FHIP1A: variants seen among roughly 807,000 people sequenced by gnomAD.
FHIP1A encodes FHF complex subunit HOOK interacting protein 1A.
A neutral mutation model predicts 88.6 loss-of-function variants in FHIP1A; 61 were observed. The ratio of observed to expected loss-of-function variants is 0.69; its 90% CI spans 0.56 to 0.85. The LOEUF is 0.85. Among genes scored for constraint, FHIP1A ranks in the 40% least tolerant of loss-of-function variants. The pLI, the probability that FHIP1A is intolerant of heterozygous loss-of-function variation, is 0.00. For missense variants in FHIP1A, 1,154 were observed against 1,273.5 expected, an observed-to-expected ratio of 0.91 and a Z score of 1.43; for synonymous variants, 478 against 496.0, an observed-to-expected ratio of 0.96 and a Z score of 0.48.
intron 9 of FHIP1A, among the ~76,000 whole-genome samples, chr4:151,644,558 C>T (rs1736716719): frequency 2.0e-5 from 3 of 152,102 alleles, no homozygotes; most frequent in African/African-American, 4.8e-5. Context: ...TGCTGTGTTG[C>T]TCAGGCTCGT....
intron 3 of FHIP1A, among the ~76,000 whole-genome samples, chr4:151,526,206 C>T (rs1406612547): frequency 6.6e-6 from 1 of 150,574 alleles, no homozygotes; most frequent in Non-Finnish European, 1.5e-5. Flanking sequence ...TCTTCCCCAC[C>T]CTTCCCCCCT....
intron 1 of FHIP1A, among the ~76,000 whole-genome samples, chr4:151,452,219 A>G (rs1339605132): frequency 6.6e-6 from 1 of 152,210 alleles, no homozygotes; most frequent in Non-Finnish European, 1.5e-5. Context: ...ATGGTTCTCA[A>G]AGGAGATTTT....
intron 1 of FHIP1A, among the ~76,000 whole-genome samples, chr4:151,415,687 G>T (rs1484543226): frequency 6.6e-6 from 1 of 152,044 alleles, no homozygotes; most frequent in Non-Finnish European, 1.5e-5. Context: ...TTCATTTTTA[G>T]TTATATGAAC....
intron 3 of FHIP1A, among the ~76,000 whole-genome samples, chr4:151,484,110 C>T (rs1223782667): frequency 6.6e-6 from 1 of 152,148 alleles, no homozygotes; most frequent in Non-Finnish European, 1.5e-5. Flanking sequence ...TCCCAGTTAA[C>T]TCCAACCAAT....
At chr4:151,610,988 A>G (rs190132755) in intron 7 of FHIP1A, among the ~76,000 whole-genome samples, 1 of 152,294 alleles carries the variant, frequency 6.6e-6, no homozygotes, top group East Asian at 1.9e-4. Context: ...TTTATAGTAC[A>G]TTGCCAAGTA....
intron 1 of FHIP1A, among the ~76,000 whole-genome samples, chr4:151,413,736 T>C (rs913263122): frequency 1.2e-4 from 18 of 152,056 alleles, no homozygotes; most frequent in African/African-American, 4.3e-4. Context: ...ATTACAGACA[T>C]GAGCCACCGC....
At chr4:151,624,226 T>C (rs1403378462) in intron 7 of FHIP1A, among the ~76,000 whole-genome samples, 2 of 152,242 alleles carry the variant, frequency 1.3e-5, no homozygotes, top group Non-Finnish European at 2.9e-5. Context: ...CTAAAGTTTG[T>C]ACTTCGGGGA....
intron 3 of FHIP1A, among the ~76,000 whole-genome samples, chr4:151,553,728 A>G (rs1453875544): frequency 6.6e-6 from 1 of 152,168 alleles, no homozygotes; most frequent in Non-Finnish European, 1.5e-5. Context: ...TCTTCAAGTC[A>G]TTGTTTTGCC....
At chr4:151,418,046 C>G (rs1280849294) in intron 1 of FHIP1A, among the ~76,000 whole-genome samples, 1 of 151,634 alleles carries the variant, frequency 6.6e-6, no homozygotes, top group Admixed American at 6.6e-5. Context: ...GTGTCTCACC[C>G]CAGGAGTCCC....
At chr4:151,548,825 A>T (rs1445163027) in intron 3 of FHIP1A, among the ~76,000 whole-genome samples, 2 of 152,222 alleles carry the variant, frequency 1.3e-5, no homozygotes, top group Admixed American at 6.5e-5. Flanking sequence ...GGTGTTGGAA[A>T]TGCAAAATAC....
chr4:151,502,550 C>T (rs931942577), intron 3 of FHIP1A, among the ~76,000 whole-genome samples: 3 of 151,934 alleles, frequency 2.0e-5, no homozygotes, highest in African/African-American at 7.3e-5. Context: ...GATAGGGCAA[C>T]AGGAATCACC....
chr4:151,584,676 C>T (rs891896016), intron 5 of FHIP1A, among the ~76,000 whole-genome samples: 2 of 152,118 alleles, frequency 1.3e-5, no homozygotes, highest in African/African-American at 2.4e-5. Context: ...CCCACACGCT[C>T]CTCATGTTGT....
intron 3 of FHIP1A, among the ~76,000 whole-genome samples, chr4:151,485,973 C>A (rs2126640244): frequency 6.6e-6 from 1 of 152,270 alleles, no homozygotes; most frequent in Non-Finnish European, 1.5e-5. Flanking sequence ...ACAATTTTTC[C>A]ATGGATGACG....
chr4:151,549,077 A>G (rs1004473825), intron 3 of FHIP1A, among the ~76,000 whole-genome samples: 41 of 152,256 alleles, frequency 2.7e-4, no homozygotes, highest in African/African-American at 9.6e-4. Flanking sequence ...GCTATTTTAA[A>G]GAGGGCAGGT....
rs541596094 is a variant in FHIP1A, at chr4:151,593,799, T to C, written c.978+4873T>C. 8.5e-5 allele frequency among the ~76,000 whole-genome samples: 13 copies of C among 152,348 alleles called. 1 individual carries two copies. In the South Asian group the frequency reaches 2.7e-3, roughly 32 times the overall value. Reference sequence around the variant, plus strand: ...CTGGCCAGAACTTCCACTATGATGTTGAATAGGAGTGGTGAGAGAGGGCAT... The same window carrying C: ...CTGGCCAGAACTTCCACTATGATGTCGAATAGGAGTGGTGAGAGAGGGCAT... On this transcript the variant is annotated intron_variant, in intron 7 of 13. Transcript: ENST00000435205.
chr4:151,597,028 A>T (rs1359250494), intron 7 of FHIP1A, among the ~76,000 whole-genome samples: 1 of 152,046 alleles, frequency 6.6e-6, no homozygotes, highest in Non-Finnish European at 1.5e-5. Flanking sequence ...TACTTCTGTC[A>T]ATTTGTCAAA....
chr4:151,596,671 G>A (rs1441882692), intron 7 of FHIP1A, among the ~76,000 whole-genome samples: 1 of 152,124 alleles, frequency 6.6e-6, no homozygotes, highest in Non-Finnish European at 1.5e-5. Flanking sequence ...ATTAAACATA[G>A]GTTTGGTCTT....
chr4:151,431,862 A>G (rs993135178), intron 1 of FHIP1A, among the ~76,000 whole-genome samples: 1 of 152,202 alleles, frequency 6.6e-6, no homozygotes, highest in Admixed American at 6.5e-5. Flanking sequence ...GCTGCTTTGT[A>G]TGGCAGGTTT....
In FHIP1A at chr4:151,647,000, A is replaced by T. The variant is rs373236983; in HGVS notation, c.1417+252A>T. ...GTAGACTTTCTAGTGGGATCCTCAG[A>T]GTCAAAATGTGAAAACGTGTGCTAG... On this transcript the variant is annotated intron_variant, in intron 10 of 13. Coordinates refer to ENST00000435205, the MANE Select transcript of FHIP1A (RefSeq NM_001109977.3). 2.1e-4 allele frequency among the ~76,000 whole-genome samples: 32 copies of T among 152,286 alleles called. No individual in the cohort carries two copies. In the South Asian group the frequency reaches 6.6e-3, roughly 32 times the overall value.
Sources: gnomAD v4.1 joint callset for allele counts (sites outside exome capture counted in the v4.1 genomes callset) on GRCh38, gnomAD v4.1.1 for gene constraint, MANE v1.5 for transcripts, NCBI Gene and HGNC (gene_info 2026-07-23, HGNC 2026-07-21) for gene names.